PACRG: variants seen among roughly 807,000 people sequenced by gnomAD.
The protein encoded by PACRG is parkin coregulated.
A neutral mutation model predicts 29.7 loss-of-function variants in PACRG; 29 were observed. That is an observed-to-expected ratio of 0.98 (90% CI 0.73 to 1.33). PACRG has a LOEUF of 1.33. Ranked by LOEUF, PACRG falls within the 40% of genes most tolerant of loss-of-function variation. The pLI is 0.00. For synonymous variants in PACRG, 116 were observed against 118.7 expected, an observed-to-expected ratio of 0.98 and a Z score of 0.15; for missense variants, 279 against 316.2, an observed-to-expected ratio of 0.88 and a Z score of 0.89.
At position 163,005,777 on chromosome 6, in the gene PACRG, AAACGTAGTTATACATGTTATATATATAC is replaced by A. The variant is rs1334259225; in HGVS notation, c.292-56369_292-56342del. Among the ~76,000 whole-genome samples, 619 of 148,966 alleles carry A rather than the reference AAACGTAGTTATACATGTTATATATATAC, an allele frequency of 4.2e-3. 14 individuals carry two copies. The highest frequency in any genetic ancestry group is 0.014 in the African/African-American group (575 of 40,478). ...AGCTCTGAAATTTTATATATATATA[AAACGTAGTTATACATGTTATATATATAC>A]AACATAGTTATACGTGTTATATATA... On this transcript the variant is annotated intron_variant, in intron 2 of 4. Transcript: ENST00000366888.
chr6:163,105,290 A>G (rs952106612), intron 4 of PACRG, among the ~76,000 whole-genome samples: 1 of 152,182 alleles, frequency 6.6e-6, no homozygotes, highest in Non-Finnish European at 1.5e-5. Context: ...GTAATGTGAG[A>G]ATTTCCATTA....
intron 4 of PACRG, chr6:163,190,436 T>C (rs1471369327): frequency 1.3e-5 from 2 of 152,286 alleles, no homozygotes; most frequent in Admixed American, 6.5e-5. Flanking sequence ...AGAGTTGCAT[T>C]AGACACAAGT....
At chr6:163,225,447 C>G (rs1010645715) in intron 4 of PACRG, among the ~76,000 whole-genome samples, 10 of 152,232 alleles carry the variant, frequency 6.6e-5, no homozygotes, top group Non-Finnish European at 1.0e-4. Context: ...TCCACTTCTG[C>G]CATGACTGTA....
At chr6:163,249,144 G>T (rs952510001) in intron 4 of PACRG, among the ~76,000 whole-genome samples, 3 of 151,614 alleles carry the variant, frequency 2.0e-5, no homozygotes, top group Non-Finnish European at 4.4e-5. Flanking sequence ...TGAGAAACAT[G>T]TTTTGATCAT....
intron 1 of PACRG, among the ~76,000 whole-genome samples, chr6:162,805,478 T>G (rs1786243978): frequency 6.6e-6 from 1 of 152,216 alleles, no homozygotes; most frequent in African/African-American, 2.4e-5. Context: ...GTGTGGTGGT[T>G]GCTGAAAGCT....
intron 4 of PACRG, among the ~76,000 whole-genome samples, chr6:163,263,923 T>C (rs775009606): frequency 6.6e-6 from 1 of 152,178 alleles, no homozygotes; most frequent in African/African-American, 2.4e-5. Flanking sequence ...TAACACACCA[T>C]TTTTGTGCTT....
chr6:162,844,066 GC>G (rs1265031173), intron 2 of PACRG, among the ~76,000 whole-genome samples: 1 of 140,400 alleles, frequency 7.1e-6, no homozygotes, highest in East Asian at 2.1e-4. Context: ...TCTGTGCCCT[GC>G]CCCCAGAGGT....
intron 2 of PACRG, among the ~76,000 whole-genome samples, chr6:162,893,108 A>T (rs1376028324): frequency 6.6e-6 from 1 of 151,514 alleles, no homozygotes; most frequent in Non-Finnish European, 1.5e-5. Flanking sequence ...AGGGCTATGA[A>T]TGACCTTTTT....
chr6:163,196,924 CAGAT>C (rs10559182), intron 4 of PACRG, among the ~76,000 whole-genome samples: 63,489 of 144,814 alleles, frequency 0.44, 13,566 homozygotes, highest in South Asian at 0.52. Flanking sequence ...ACAGACTAGA[CAGAT>C]AGATAGATAG....
chr6:163,166,310 ATT>A, intron 4 of PACRG: 1 of 425,614 alleles, frequency 2.3e-6, no homozygotes. Flanking sequence ...TCGGCCCTTT[ATT>A]TCAACAGCAG....
intron 3 of PACRG, among the ~76,000 whole-genome samples, chr6:163,087,896 G>A (rs993105913): frequency 1.3e-5 from 2 of 152,182 alleles, no homozygotes; most frequent in Admixed American, 6.5e-5. Flanking sequence ...AGGAGTGTTG[G>A]TGAGGATGGA....
In PACRG at chr6:163,149,020, C is replaced by G. The variant is rs1013268587; in HGVS notation, c.613+59612C>G. ...CTGACGTCTGTTGAAAACAGTCAGG[C>G]CCTGCTGGAGGGAATTGTGTCACTG... is the stretch of plus-strand genomic sequence containing the variant. On this transcript the variant is annotated intron_variant, in intron 4 of 4. Transcript: ENST00000366888. Among the ~76,000 whole-genome samples the G allele has an allele frequency of 5.5e-5, 8 of 145,402 alleles. No individual in the cohort carries two copies. The East Asian group carries it at 1.6e-3, about 30-fold the overall frequency.
chr6:163,163,205 C>G (rs1778633165), intron 4 of PACRG, among the ~76,000 whole-genome samples: 1 of 152,176 alleles, frequency 6.6e-6, no homozygotes, highest in Non-Finnish European at 1.5e-5. Flanking sequence ...TCAACTATTG[C>G]CACACCTACT....
intron 4 of PACRG, among the ~76,000 whole-genome samples, chr6:163,290,278 GCACA>G (rs3064946): frequency 0.074 from 8,485 of 114,394 alleles, 322 homozygotes; most frequent in Middle Eastern, 0.15. Flanking sequence ...GCGCGCGCGC[GCACA>G]CACACACACA....
At chr6:163,298,638 CTT>C (rs1053105139) in intron 4 of PACRG, among the ~76,000 whole-genome samples, 2 of 152,182 alleles carry the variant, frequency 1.3e-5, no homozygotes, top group Non-Finnish European at 2.9e-5. Flanking sequence ...TGGAGGTAGA[CTT>C]AATGTCTCTA....
intron 2 of PACRG, chr6:162,957,512 CG>C: frequency 2.6e-6 from 1 of 384,512 alleles, no homozygotes; most frequent in Non-Finnish European, 5.0e-6. Context: ...ACAAGGGGCT[CG>C]GGACAGCCTA....
At chr6:162,833,215 T>G (rs920163525) in intron 2 of PACRG, among the ~76,000 whole-genome samples, 2 of 152,220 alleles carry the variant, frequency 1.3e-5, no homozygotes, top group African/African-American at 2.4e-5. Flanking sequence ...AACTTTCTTT[T>G]GTTACCTAAC....
intron 2 of PACRG, among the ~76,000 whole-genome samples, chr6:163,012,637 C>T (rs1376229858): frequency 6.6e-6 from 1 of 152,248 alleles, no homozygotes; most frequent in Non-Finnish European, 1.5e-5. Flanking sequence ...AATGTTCATG[C>T]ACCCTCTGGA....
chr6:162,830,716 A>G (rs1206421630), intron 2 of PACRG, among the ~76,000 whole-genome samples: 1 of 152,186 alleles, frequency 6.6e-6, no homozygotes, highest in Non-Finnish European at 1.5e-5. Flanking sequence ...TGGGGGGTAG[A>G]CGTCTTACAT....
Sources: allele counts gnomAD v4.1 joint callset (sites outside exome capture counted in the v4.1 genomes callset), GRCh38; gene constraint gnomAD v4.1.1; transcripts MANE v1.5; gene names NCBI Gene and HGNC (gene_info 2026-07-23, HGNC 2026-07-21).